Variants in MYLK observed in about 807,000 individuals in gnomAD.
The protein encoded by MYLK is myosin light chain kinase, smooth muscle.
In MYLK, 106 loss-of-function variants were observed where a neutral mutation model predicts 203.4. The observed-to-expected ratio is 0.52, with a 90% CI of 0.45 to 0.61. MYLK has a LOEUF of 0.61. MYLK is among the 20% of genes least tolerant of loss of function. The pLI, the probability that MYLK is intolerant of heterozygous loss-of-function variation, is 0.00. For synonymous variants in MYLK, 867 were observed against 959.5 expected, an observed-to-expected ratio of 0.90 and a Z score of 1.78; for missense variants, 2,072 against 2,442.3, an observed-to-expected ratio of 0.85 and a Z score of 3.20.
intron 3 of MYLK, chr3:123,814,177 G>T: frequency 3.2e-6 from 1 of 312,528 alleles, no homozygotes; most frequent in South Asian, 3.4e-5. Flanking sequence ...CTGTGTCTCG[G>T]GCTCAGGGAT....
intron 23 of MYLK, among the ~76,000 whole-genome samples, chr3:123,657,882 C>T (rs543713076): frequency 1.6e-4 from 25 of 152,352 alleles, no homozygotes; most frequent in Non-Finnish European, 2.8e-4. Context: ...TCTGCCTCCA[C>T]TTTCTCTGGG....
intron 6 of MYLK, 132 bp from the exon 7 acceptor site, chr3:123,739,194 A>G: frequency 9.6e-7 from 1 of 1,047,084 alleles, no homozygotes; most frequent in South Asian, 1.4e-5. Flanking sequence ...TTTATGCCTC[A>G]GAAACTTTCT....
rs376140363 is a variant in MYLK at position 123,733,027 on chromosome 3, T to A, written c.1385A>T (p.Glu462Val). Residue 462 changes from glutamate to valine, a missense_variant, in exon 11 of 34, where the codon GAG becomes GTG. Transcript: ENST00000360304. ...TPVRRQEGSIEVYEDAGSHYL... is the reference protein window; with the variant it reads ...TPVRRQEGSIVVYEDAGSHYL... Reference sequence around the variant, plus strand: ...ATGGGAGCCAGCATCTTCATAAACCTCAATGCTGCCTTCCTGTCTCCTCAC... The same window carrying A: ...ATGGGAGCCAGCATCTTCATAAACCACAATGCTGCCTTCCTGTCTCCTCAC... 3.1e-6 allele frequency: 5 copies of A among 1,614,012 alleles called. No homozygotes were observed. The African/African-American group carries it at 6.7e-5, about 22-fold the overall frequency.
At chr3:123,685,966 AGCAC>A (rs2060439163) in intron 19 of MYLK, among the ~76,000 whole-genome samples, 1 of 152,202 alleles carries the variant, frequency 6.6e-6, no homozygotes, top group Non-Finnish European at 1.5e-5. Context: ...TTGAAGTGTC[AGCAC>A]GGTGGGGCTG....
rs563827228 is a variant in MYLK, at chr3:123,666,471, ACTGAGGGGCAGTGATCCTG to A, written c.3704-144_3704-126del. ...TGGCTTCCGGAACCTTCAGGGTAAG[ACTGAGGGGCAGTGATCCTG>A]CTGCAGGACATCCAAGTTCATGGAC... On this transcript the variant is annotated intron_variant, in intron 21 of 33. Coordinates refer to ENST00000360304, the MANE Select transcript of MYLK (RefSeq NM_053025.4). 4.5e-5 allele frequency: 60 copies of A among 1,329,720 alleles called. No homozygotes were observed. In the South Asian group the frequency reaches 7.6e-4, roughly 17 times the overall value. 82.4% of individuals were successfully genotyped at this position (1,329,720 alleles called of 1,614,324 possible). A position where few individuals can be genotyped will look rare whatever the true frequency, so the allele number is the denominator to read the frequency against.
chr3:123,729,559 A>G (rs1252236292), intron 11 of MYLK, among the ~76,000 whole-genome samples: 1 of 152,264 alleles, frequency 6.6e-6, no homozygotes, highest in African/African-American at 2.4e-5. Context: ...GATGCTCAAA[A>G]TCACTAGTCA....
intron 13 of MYLK, among the ~76,000 whole-genome samples, chr3:123,712,963 C>G (rs1466800494): frequency 1.3e-5 from 2 of 152,190 alleles, no homozygotes; most frequent in Non-Finnish European, 2.9e-5. Context: ...TGGGCTTCAC[C>G]CAAGGATTAT....
chr3:123,704,181 A>T (rs1179985814), intron 16 of MYLK, among the ~76,000 whole-genome samples: 1 of 152,252 alleles, frequency 6.6e-6, no homozygotes, highest in East Asian at 1.9e-4. Flanking sequence ...CTGACGCATT[A>T]AGTGGATCAC....
At chr3:123,840,586 A>C (rs1257034795) in intron 2 of MYLK, among the ~76,000 whole-genome samples, 1 of 151,860 alleles carries the variant, frequency 6.6e-6, no homozygotes, top group African/African-American at 2.4e-5. Flanking sequence ...TTGATATGAA[A>C]ATAAGATAAA....
chr3:123,858,598 A>T (rs1214819662), intron 2 of MYLK, among the ~76,000 whole-genome samples: 1 of 151,996 alleles, frequency 6.6e-6, no homozygotes, highest in East Asian at 1.9e-4. Flanking sequence ...TTCTTATAAC[A>T]CCACCAGTTC....
intron 2 of MYLK, among the ~76,000 whole-genome samples, chr3:123,876,221 G>A (rs1377407163): frequency 6.6e-6 from 1 of 151,946 alleles, no homozygotes; most frequent in African/African-American, 2.4e-5. Context: ...ATGACTAAGT[G>A]TTTATTCCAG....
chr3:123,777,519 G>A (rs1246742153), intron 4 of MYLK, among the ~76,000 whole-genome samples: 4 of 152,204 alleles, frequency 2.6e-5, no homozygotes, highest in South Asian at 2.1e-4. Context: ...GCCACAGCTC[G>A]AGTCTTGCGC....
chr3:123,643,795 A>C (rs1319070830), intron 27 of MYLK, among the ~76,000 whole-genome samples: 1 of 152,376 alleles, frequency 6.6e-6, no homozygotes, highest in East Asian at 1.9e-4. Flanking sequence ...TGGTGCTATC[A>C]CTGGACTCGA....
intron 4 of MYLK, among the ~76,000 whole-genome samples, chr3:123,784,376 C>CTTTTTTTTTTT (rs576849217): frequency 1.3e-5 from 1 of 78,662 alleles, no homozygotes; most frequent in East Asian, 4.5e-4. Context: ...GGTTGACTTT[C>CTTTTTTTTTTT]TTTTTTTTTT....
intron 3 of MYLK, among the ~76,000 whole-genome samples, chr3:123,798,082 C>G (rs2065055099): frequency 6.6e-6 from 1 of 152,170 alleles, no homozygotes; most frequent in Non-Finnish European, 1.5e-5. Context: ...ACTAGCAGCA[C>G]CATTTAATAA....
intron 3 of MYLK, among the ~76,000 whole-genome samples, chr3:123,797,669 C>T (rs555236494): frequency 4.7e-4 from 72 of 152,286 alleles, no homozygotes; most frequent in African/African-American, 1.4e-3. Flanking sequence ...CCCGGGGACA[C>T]GGCCACTTTC....
intron 1 of MYLK, among the ~76,000 whole-genome samples, chr3:123,877,401 C>T (rs2033222465): frequency 6.6e-6 from 1 of 152,114 alleles, no homozygotes; most frequent in African/African-American, 2.4e-5. Context: ...ACAGAGAAGC[C>T]ACAGTTAATA....
chr3:123,735,302 C>T (rs2062635874), intron 9 of MYLK, 96 bp downstream of exon 9: 3 of 1,507,226 alleles, frequency 2.0e-6, no homozygotes, highest in Non-Finnish European at 2.8e-6. Flanking sequence ...TTCTTCTGCC[C>T]CATAAGATGA....
At chr3:123,634,834 C>T (rs1035916572) in intron 29 of MYLK, among the ~76,000 whole-genome samples, 4 of 152,194 alleles carry the variant, frequency 2.6e-5, no homozygotes, top group African/African-American at 4.8e-5. Flanking sequence ...GGATTTCTCC[C>T]GTATGGAAGT....
Sources: allele counts gnomAD v4.1 joint callset (sites outside exome capture counted in the v4.1 genomes callset), GRCh38; gene constraint gnomAD v4.1.1; transcripts MANE v1.5; gene names NCBI Gene and HGNC (gene_info 2026-07-23, HGNC 2026-07-21).